The following TARBP1 variants were observed in gnomAD, a reference collection of about 807,000 sequenced individuals.
TARBP1 encodes the protein tRNA guanosine 2 -O-methyltransferase TARBP1.
In TARBP1, 144 loss-of-function variants were observed where a neutral mutation model predicts 178.6. That is an observed-to-expected ratio of 0.81 (90% confidence interval 0.70 to 0.93). The LOEUF is 0.93. Among genes scored for constraint, TARBP1 ranks in the 40% least tolerant of loss-of-function variants. The pLI is 0.00. For synonymous variants in TARBP1, 787 were observed against 781.0 expected, an observed-to-expected ratio of 1.01 and a Z score of -0.13; for missense variants, 2,067 against 2,011.7, an observed-to-expected ratio of 1.03 and a Z score of -0.53.
intron 12 of TARBP1, among the ~76,000 whole-genome samples, chr1:234,439,517 A>G (rs1460514188): frequency 6.6e-6 from 1 of 152,164 alleles, no homozygotes; most frequent in African/African-American, 2.4e-5. Context: ...TGCCCAAAAG[A>G]GAGTAAAGAG....
chr1:234,421,120 A>G (rs1663037903), intron 20 of TARBP1, among the ~76,000 whole-genome samples: 1 of 152,006 alleles, frequency 6.6e-6, no homozygotes, highest in Non-Finnish European at 1.5e-5. Context: ...ATGGAGTCTT[A>G]CTCTGTTGCC....
At chr1:234,453,779 A>G (rs1254609557) in intron 9 of TARBP1, among the ~76,000 whole-genome samples, 1 of 152,228 alleles carries the variant, frequency 6.6e-6, no homozygotes. Flanking sequence ...ATCTGGATTC[A>G]GCTATAAACC....
intron 25 of TARBP1, among the ~76,000 whole-genome samples, chr1:234,398,978 A>G (rs1461542271): frequency 6.6e-6 from 1 of 152,232 alleles, no homozygotes; most frequent in East Asian, 1.9e-4. Flanking sequence ...TAAATTTAGA[A>G]TCTGAATTCT....
In TARBP1 at chr1:234,460,260, C is replaced by T; in HGVS notation, c.1535+1G>A. On this transcript the variant is annotated splice_donor_variant, in intron 7 of 29. Coordinates refer to ENST00000040877, the MANE Select transcript of TARBP1 (RefSeq NM_005646.4). LOFTEE classifies it high-confidence loss of function. ...ACAAGTACATATACAGAGTAAATTA[C>T]CTGAGAGCAAGAAGCCCATCTATAC... The T allele has an allele frequency of 6.2e-7, 1 of 1,612,368 alleles. No homozygotes were observed. Among genetic ancestry groups the T allele is most frequent in the Non-Finnish European group, 8.5e-7 (1 of 1,179,572 alleles).
rs1423169743 is a variant in TARBP1 at position 234,433,669 on chromosome 1, C to T, written c.2233-98G>A. 14 of 1,121,440 alleles carry T rather than the reference C, an allele frequency of 1.2e-5. No homozygotes were observed. The African/African-American group carries it at 1.4e-4, about 11-fold the overall frequency. The allele number at this position is 1,121,440 out of a possible 1,614,324, so 69.5% of individuals were successfully genotyped here. A position where few individuals can be genotyped will look rare whatever the true frequency, so the allele number is the denominator to read the frequency against. On this transcript the variant is annotated intron_variant, in intron 13 of 29. Coordinates refer to ENST00000040877, the MANE Select transcript of TARBP1 (RefSeq NM_005646.4). ...CAGGAGAAGTTTACTTAAAGGACCA[C>T]AACAAGACACTGATGAGAAAATAAG...
chr1:234,431,514 C>T (rs1051310748), intron 14 of TARBP1, among the ~76,000 whole-genome samples: 7 of 152,166 alleles, frequency 4.6e-5, no homozygotes, highest in African/African-American at 1.4e-4. Flanking sequence ...TTAAAGCAAT[C>T]GAGTATCTTC....
chr1:234,429,351 T>G (rs1664144242), intron 16 of TARBP1, 27 bp from the exon 17 acceptor site: 1 of 1,568,024 alleles, frequency 6.4e-7, no homozygotes, highest in Non-Finnish European at 8.6e-7. Context: ...AAATACATAC[T>G]TATTTCAAAA....
chr1:234,402,645 G>A (rs1246315503), intron 24 of TARBP1, among the ~76,000 whole-genome samples: 1 of 151,862 alleles, frequency 6.6e-6, no homozygotes, highest in Non-Finnish European at 1.5e-5. Context: ...TGCAATCTCC[G>A]CTCACTGCAG....
chr1:234,438,455 T>C lies in TARBP1; in HGVS notation c.2135-1083A>G, dbSNP rs140027577. 2.6e-4 allele frequency among the ~76,000 whole-genome samples: 40 copies of C among 152,200 alleles called. 1 individual carries two copies. The South Asian group carries it at 7.5e-3, about 28-fold the overall frequency. On this transcript the variant is annotated intron_variant, in intron 12 of 29. Coordinates refer to ENST00000040877, the MANE Select transcript of TARBP1 (RefSeq NM_005646.4). Reference sequence around the variant, plus strand: ...CCTCAGCAAAGAAACAGAAGATATATAGAAAAACCAAATAGAAATTTTATA... The same window carrying C: ...CCTCAGCAAAGAAACAGAAGATATACAGAAAAACCAAATAGAAATTTTATA...
At chr1:234,428,607 G>T (rs1029072492) in intron 17 of TARBP1, among the ~76,000 whole-genome samples, 6 of 151,594 alleles carry the variant, frequency 4.0e-5, no homozygotes, top group Admixed American at 1.3e-4. Context: ...GTGCAGTGGC[G>T]TGATGTCAGC....
In TARBP1 at chr1:234,410,596, C is replaced by T. The variant is rs747262697; in HGVS notation, c.3706-65G>A. 5.1e-5 allele frequency: 55 copies of T among 1,070,686 alleles called. No homozygotes were observed. In the Middle Eastern group the frequency reaches 2.2e-3, roughly 44 times the overall value. 66.3% of individuals were successfully genotyped at this position (1,070,686 alleles called of 1,614,324 possible). ...TTACTGTGAAACATGCACGTGAAAG[C>T]GCCGTGCTGGACTCTATGAGGGCCC... On this transcript the variant is annotated intron_variant, in intron 22 of 29. Transcript: ENST00000040877.
At chr1:234,432,586 A>G (rs573641867) in intron 14 of TARBP1, among the ~76,000 whole-genome samples, 13 of 152,334 alleles carry the variant, frequency 8.5e-5, no homozygotes, top group Admixed American at 7.8e-4. Context: ...CTCTAAGAGA[A>G]AAGAGATTCC....
chr1:234,457,118 A>C (rs1171664065), intron 9 of TARBP1, among the ~76,000 whole-genome samples: 1 of 152,226 alleles, frequency 6.6e-6, no homozygotes, highest in Non-Finnish European at 1.5e-5. Context: ...CAGGGACGTG[A>C]CATCAACAAG....
rs180690691 is a variant in TARBP1, at chr1:234,448,111, G to A, written c.1961+369C>T. ...GCACCACCACGCCCGGCTGATTTTT[G>A]TATTTTTAGTAGAGACAGGGTTTCA... On this transcript the variant is annotated intron_variant, in intron 11 of 29. Coordinates refer to ENST00000040877, the MANE Select transcript of TARBP1 (RefSeq NM_005646.4). 2.6e-5 allele frequency among the ~76,000 whole-genome samples: 4 copies of A among 152,216 alleles called. No homozygotes were observed. The East Asian group carries it at 7.7e-4, about 29-fold the overall frequency.
At chr1:234,429,060 T>C (rs1664102268) in intron 17 of TARBP1, 76 bp downstream of exon 17, 2 of 1,332,448 alleles carry the variant, frequency 1.5e-6, no homozygotes, top group African/African-American at 3.0e-5. Flanking sequence ...TAATTGTGAA[T>C]ACAACTCTCA....
intron 8 of TARBP1, among the ~76,000 whole-genome samples, chr1:234,458,341 T>C (rs1227933904): frequency 6.6e-6 from 1 of 151,028 alleles, no homozygotes; most frequent in Admixed American, 6.6e-5. Flanking sequence ...CAAAACTCTG[T>C]CTCAAAAAAA....
intron 1 of TARBP1, among the ~76,000 whole-genome samples, chr1:234,477,565 C>G (rs1669680044): frequency 6.6e-6 from 1 of 152,356 alleles, no homozygotes; most frequent in South Asian, 2.1e-4. Flanking sequence ...TTTCATTACT[C>G]TTGCACATAG....
intron 9 of TARBP1, among the ~76,000 whole-genome samples, chr1:234,455,918 T>C (rs1667225666): frequency 2.0e-5 from 3 of 151,546 alleles, no homozygotes; most frequent in African/African-American, 7.3e-5. Flanking sequence ...ACAAAAGAAA[T>C]ACTACAAAGA....
intron 9 of TARBP1, among the ~76,000 whole-genome samples, chr1:234,450,812 A>ATG (rs1476966954): frequency 6.6e-6 from 1 of 152,084 alleles, no homozygotes; most frequent in African/African-American, 2.4e-5. Flanking sequence ...ATATATATAT[A>ATG]CACATATGTG....
Sources: gnomAD v4.1 joint callset for allele counts (sites outside exome capture counted in the v4.1 genomes callset) on GRCh38, gnomAD v4.1.1 for gene constraint, MANE v1.5 for transcripts, NCBI Gene and HGNC (gene_info 2026-07-23, HGNC 2026-07-21) for gene names.